The following CREM variants were observed in gnomAD, a reference collection of about 807,000 sequenced individuals.
CREM encodes cAMP responsive element modulator, also known as cAMP-responsive element modulator.
CREM carries 13 observed loss-of-function variants against 37.3 expected under a neutral mutation model. That is an observed-to-expected ratio of 0.35 (90% CI 0.23 to 0.55). CREM has a LOEUF of 0.55. Ranked by LOEUF, CREM falls within the 20% of genes least tolerant of loss-of-function variation. The pLI is 0.88. For synonymous variants in CREM, 124 were observed against 120.2 expected (o/e 1.03, Z -0.21); for missense variants, 296 against 362.3 (o/e 0.82, Z 1.49).
chr10:35,139,161 T>A (rs913141046), intron 2 of CREM, among the ~76,000 whole-genome samples: 2 of 151,482 alleles, frequency 1.3e-5, no homozygotes, highest in African/African-American at 4.9e-5. Context: ...TGTCACTGTG[T>A]CCAGGCTGGA....
At chr10:35,183,584 C>T (rs1484324349) in intron 5 of CREM, among the ~76,000 whole-genome samples, 1 of 152,156 alleles carries the variant, frequency 6.6e-6, no homozygotes, top group Non-Finnish European at 1.5e-5. Flanking sequence ...CATAGGTGCT[C>T]TCTTATGGTC....
chr10:35,138,478 C>T (rs906737689), intron 2 of CREM, among the ~76,000 whole-genome samples: 11 of 151,090 alleles, frequency 7.3e-5, no homozygotes, highest in Non-Finnish European at 1.5e-4. Flanking sequence ...TGCACTTCCT[C>T]TGCAATGTAA....
chr10:35,190,728 G>A (rs1464993340), intron 6 of CREM, among the ~76,000 whole-genome samples: 1 of 151,876 alleles, frequency 6.6e-6, no homozygotes, highest in Non-Finnish European at 1.5e-5. Flanking sequence ...GCAGTGGCAC[G>A]ATGGCTCACT....
chr10:35,130,914 A>G lies in CREM; in HGVS notation c.-55+3721A>G, dbSNP rs377265817. The stretch of plus-strand genomic sequence containing the variant: ...ATAGCAAGGTTTACAAAGTAAAATG[A>G]TATCTATTTGCACATTTCATGACAG... On this transcript the variant is annotated intron_variant, in intron 1 of 7. Transcript: ENST00000685392. Among the ~76,000 whole-genome samples, 67 of 152,344 alleles carry G rather than the reference A, an allele frequency of 4.4e-4. 1 individual carries two copies. The East Asian group carries it at 0.011, about 26-fold the overall frequency.
intron 3 of CREM, among the ~76,000 whole-genome samples, chr10:35,178,008 G>A (rs2094173113): frequency 1.3e-5 from 2 of 152,020 alleles, no homozygotes; most frequent in East Asian, 1.9e-4. Context: ...CGTGTACTTC[G>A]GGAAGTATAT....
At chr10:35,208,951 T>C (rs2095602801) in intron 7 of CREM, among the ~76,000 whole-genome samples, 1 of 152,248 alleles carries the variant, frequency 6.6e-6, no homozygotes, top group Admixed American at 6.5e-5. Context: ...TTATTTCTAC[T>C]GTGTGTTTAA....
At chr10:35,158,396 C>T (rs181234412) in intron 3 of CREM, 51 of 276,780 alleles carry the variant, frequency 1.8e-4, no homozygotes, top group South Asian at 1.3e-3. Context: ...GCAGATGAAC[C>T]GGGGGCTGAA....
At chr10:35,137,739 A>T in intron 1 of CREM, 43 bp from the exon 2 acceptor site, 1 of 846,616 alleles carries the variant, frequency 1.2e-6, no homozygotes, top group Non-Finnish European at 1.8e-6. Flanking sequence ...TTTTGAAGTG[A>T]AATGTTACGA....
chr10:35,179,963 G>GAA (rs998236776), intron 5 of CREM: 2 of 152,226 alleles, frequency 1.3e-5, no homozygotes, highest in Non-Finnish European at 2.9e-5. Context: ...AGAAAGAAAA[G>GAA]AAAAAGGAGG....
chr10:35,202,391 T>G (rs2095408591), intron 6 of CREM, among the ~76,000 whole-genome samples: 1 of 152,320 alleles, frequency 6.6e-6, no homozygotes, highest in Non-Finnish European at 1.5e-5. Flanking sequence ...CTTGTGACAT[T>G]TAGATTTTCT....
chr10:35,187,074 TAA>T (rs1491339626), intron 5 of CREM, among the ~76,000 whole-genome samples: 2 of 58,822 alleles, frequency 3.4e-5, no homozygotes, highest in Non-Finnish European at 6.0e-5. Flanking sequence ...ATTAATATAA[TAA>T]TATATATAAT....
intron 5 of CREM, among the ~76,000 whole-genome samples, chr10:35,185,672 C>T (rs1258902330): frequency 6.6e-6 from 1 of 152,106 alleles, no homozygotes; most frequent in Non-Finnish European, 1.5e-5. Flanking sequence ...TTTGGAAAGC[C>T]ATGGTTTAAA....
intron 6 of CREM, among the ~76,000 whole-genome samples, chr10:35,200,831 T>A (rs772609262): frequency 6.6e-6 from 1 of 152,230 alleles, no homozygotes; most frequent in Non-Finnish European, 1.5e-5. Flanking sequence ...ATAAAAATGT[T>A]TTTTATTCAG....
intron 3 of CREM, chr10:35,175,766 A>G (rs929948288): frequency 1.2e-6 from 2 of 1,614,148 alleles, no homozygotes; most frequent in African/African-American, 1.3e-5. Flanking sequence ...TAGGCCAGTC[A>G]TATTAGTGAG....
At chr10:35,146,082 T>C (rs2092080379) in intron 2 of CREM, among the ~76,000 whole-genome samples, 1 of 152,248 alleles carries the variant, frequency 6.6e-6, no homozygotes, top group Non-Finnish European at 1.5e-5. Context: ...TGCTTTTGTA[T>C]TTTCAGGGCC....
At chr10:35,186,581 T>C (rs939899941) in intron 5 of CREM, among the ~76,000 whole-genome samples, 1 of 147,886 alleles carries the variant, frequency 6.8e-6, no homozygotes, top group East Asian at 1.9e-4. Flanking sequence ...GACTTTAGCT[T>C]TATAACCAAA....
chr10:35,142,917 T>A (rs1189017650), intron 2 of CREM, among the ~76,000 whole-genome samples: 2 of 152,070 alleles, frequency 1.3e-5, no homozygotes, highest in Non-Finnish European at 2.9e-5. Context: ...CTCAATAGCT[T>A]ATTCTGTCTT....
At position 35,188,284 on chromosome 10, in the gene CREM, A is replaced by G. The variant is rs1473764695; in HGVS notation, c.494A>G (p.Asn165Ser). The change falls in exon 6 of 8, where the codon AAT becomes AGT. Residue 165 changes from asparagine to serine, a missense_variant. Physicochemically the swap from Asn to Ser is conservative, Grantham distance 46 (BLOSUM62 1). Transcript: ENST00000685392. ...VQGLQALTMT[N>S]SGAPPPGATI... ...GGACTGCAGGCATTAACAATGACAAATTCAGGAGCTCCTCCACCAGGTGCT... is the reference window on the plus strand; with the variant it reads ...GGACTGCAGGCATTAACAATGACAAGTTCAGGAGCTCCTCCACCAGGTGCT... The G allele has an allele frequency of 8.1e-6, 13 of 1,614,196 alleles. No homozygotes were observed. In the South Asian group the frequency reaches 1.1e-4, roughly 14 times the overall value.
At chr10:35,138,452 A>T (rs914691769) in intron 2 of CREM, among the ~76,000 whole-genome samples, 3 of 151,850 alleles carry the variant, frequency 2.0e-5, no homozygotes, top group African/African-American at 4.8e-5. Context: ...GAGATGAAAA[A>T]TTTTTTCAAG....
Sources: gnomAD v4.1 joint callset for allele counts (sites outside exome capture counted in the v4.1 genomes callset) on GRCh38, gnomAD v4.1.1 for gene constraint, MANE v1.5 for transcripts, NCBI Gene and HGNC (gene_info 2026-07-23, HGNC 2026-07-21) for gene names.